Variants in RPS6KA2 observed in about 807,000 individuals in gnomAD.
The protein encoded by RPS6KA2 is ribosomal protein S6 kinase A2, also known as ribosomal protein S6 kinase alpha-2.
RPS6KA2 carries 42 observed loss-of-function variants against 91.8 expected under a neutral mutation model. The observed-to-expected ratio is 0.46, with a 90% CI of 0.36 to 0.59. The LOEUF is 0.59. Among genes scored for constraint, RPS6KA2 ranks in the 20% least tolerant of loss-of-function variants. RPS6KA2 has a pLI of 0.00. For missense variants in RPS6KA2, 798 were observed against 978.5 expected (o/e 0.82, Z 2.46); for synonymous variants, 414 against 393.6 (o/e 1.05, Z -0.61).
chr6:166,539,014 C>T (rs1583257051), intron 1 of RPS6KA2, among the ~76,000 whole-genome samples: 1 of 152,194 alleles, frequency 6.6e-6, no homozygotes, highest in East Asian at 1.9e-4. Flanking sequence ...CGGCTCACTG[C>T]AACCTCCACC....
At chr6:166,679,844 G>C (rs575771554) in intron 2 of RPS6KA2, among the ~76,000 whole-genome samples, 143 of 152,344 alleles carry the variant, frequency 9.4e-4, no homozygotes, top group Non-Finnish European at 1.7e-3. Flanking sequence ...GGCAAGCCCC[G>C]CACTCAGCGC....
chr6:166,426,068 C>A (rs1471438398), intron 16 of RPS6KA2, among the ~76,000 whole-genome samples: 1 of 151,980 alleles, frequency 6.6e-6, no homozygotes, highest in Non-Finnish European at 1.5e-5. Context: ...CTCTCCTCAG[C>A]AAATGTAAAA....
At position 166,825,255 on chromosome 6, in the gene RPS6KA2, T is replaced by A. The variant is rs373039128; in HGVS notation, c.123+32945A>T. Among the ~76,000 whole-genome samples the A allele has an allele frequency of 6.6e-6, 1 of 152,050 alleles. No homozygotes were observed. Among genetic ancestry groups the A allele is most frequent in the Admixed American group, 6.5e-5 (1 of 15,276 alleles). ...GGAGTGATCCCATGAGTCCCGAGAA[T>A]AAAAGGCAGGGCTGATGGTGCCGTG... On this transcript the variant is annotated intron_variant, in intron 2 of 21. Transcript: ENST00000503859. This position sits in a 1 kb window ranked among gnomAD's most constrained non-coding sequence, Gnocchi z 4.1.
intron 2 of RPS6KA2, among the ~76,000 whole-genome samples, chr6:166,682,353 T>C (rs928387552): frequency 2.6e-5 from 4 of 152,224 alleles, no homozygotes; most frequent in Admixed American, 6.5e-5. Flanking sequence ...TCTGGCTCAG[T>C]ATCCACGTTT....
chr6:166,417,622 C>CAT (rs1778581334), intron 19 of RPS6KA2, among the ~76,000 whole-genome samples: 1 of 25,438 alleles, frequency 3.9e-5, no homozygotes, highest in South Asian at 4.3e-3. Flanking sequence ...TCTCTCTATA[C>CAT]ACACACACAC....
chr6:166,696,760 C>CG (rs1789370940), intron 2 of RPS6KA2, among the ~76,000 whole-genome samples: 1 of 152,276 alleles, frequency 6.6e-6, no homozygotes, highest in African/African-American at 2.4e-5. Context: ...ACAGAAAAGC[C>CG]AACTCCCCCA....
chr6:166,562,846 G>A (rs1784382802), intron 1 of RPS6KA2, among the ~76,000 whole-genome samples: 2 of 152,220 alleles, frequency 1.3e-5, no homozygotes, highest in Non-Finnish European at 2.9e-5. Context: ...CAGACGAGGT[G>A]TCTTAGTTGA....
intron 10 of RPS6KA2, among the ~76,000 whole-genome samples, chr6:166,484,244 A>G (rs6935542): frequency 0.18 from 26,760 of 152,262 alleles, 2,655 homozygotes; most frequent in African/African-American, 0.27. Flanking sequence ...TAGTTCATGC[A>G]TATTCACCAG....
chr6:166,783,356 G>A (rs1402781396), intron 2 of RPS6KA2, among the ~76,000 whole-genome samples: 6 of 152,144 alleles, frequency 3.9e-5, no homozygotes, highest in South Asian at 2.1e-4. Flanking sequence ...ACCCTGAAGA[G>A]GAAGGAACTC....
intron 12 of RPS6KA2, among the ~76,000 whole-genome samples, chr6:166,453,604 G>A (rs770595298): frequency 1.1e-4 from 17 of 152,182 alleles, no homozygotes; most frequent in Non-Finnish European, 2.1e-4. Flanking sequence ...GAAAGGTGGT[G>A]GGAATGTAAA....
intron 1 of RPS6KA2, among the ~76,000 whole-genome samples, chr6:166,588,897 C>T (rs1785272262): frequency 6.6e-6 from 1 of 152,188 alleles, no homozygotes; most frequent in Non-Finnish European, 1.5e-5. Flanking sequence ...ACCTGTGTTC[C>T]AGCAAGTAGA....
At chr6:166,701,800 G>T in intron 2 of RPS6KA2, 1 of 947,202 alleles carries the variant, frequency 1.1e-6, no homozygotes, top group Non-Finnish European at 1.7e-6. Flanking sequence ...TTTTCTTCAT[G>T]ATCTCTTCCT....
At chr6:166,476,248 A>G (rs953339793) in intron 10 of RPS6KA2, among the ~76,000 whole-genome samples, 1 of 152,176 alleles carries the variant, frequency 6.6e-6, no homozygotes, top group African/African-American at 2.4e-5. Flanking sequence ...GGCCAGGGAC[A>G]CATTCCTTTC....
chr6:166,751,663 C>T (rs1202008607), intron 2 of RPS6KA2, among the ~76,000 whole-genome samples: 8 of 152,242 alleles, frequency 5.3e-5, no homozygotes, highest in Admixed American at 1.3e-4. Context: ...ATTTTCTGCT[C>T]GAAGCCCCAC....
intron 2 of RPS6KA2, among the ~76,000 whole-genome samples, chr6:166,778,279 C>T (rs528012178): frequency 5.9e-5 from 9 of 152,338 alleles, no homozygotes; most frequent in South Asian, 2.1e-4. Context: ...GCCTCTGCAA[C>T]GACTGGCGCC....
chr6:166,476,570 T>G (rs1300249007), intron 10 of RPS6KA2, among the ~76,000 whole-genome samples: 1 of 152,202 alleles, frequency 6.6e-6, no homozygotes, highest in African/African-American at 2.4e-5. Context: ...TGAACGGAAC[T>G]GTCTGGAAAT....
intron 3 of RPS6KA2, among the ~76,000 whole-genome samples, chr6:166,526,452 C>T (rs1390974242): frequency 1.4e-5 from 2 of 146,064 alleles, no homozygotes; most frequent in African/African-American, 5.0e-5. Context: ...CTTAAGCAAT[C>T]CTCCCACCTC....
intron 3 of RPS6KA2, among the ~76,000 whole-genome samples, chr6:166,525,873 G>A (rs767665020): frequency 1.3e-5 from 2 of 152,194 alleles, no homozygotes; most frequent in Non-Finnish European, 2.9e-5. Flanking sequence ...TGGAGAACGG[G>A]TTAGGAGATA....
intron 1 of RPS6KA2, among the ~76,000 whole-genome samples, chr6:166,545,307 CT>C (rs1275156794): frequency 6.6e-6 from 1 of 152,170 alleles, no homozygotes; most frequent in East Asian, 1.9e-4. Context: ...ATCACTTTTT[CT>C]TTTTCTGACC....
Sources: gnomAD v4.1 joint callset for allele counts (sites outside exome capture counted in the v4.1 genomes callset) on GRCh38, gnomAD v4.1.1 for gene constraint, Gnocchi (gnomAD v3.1) non-coding constraint, MANE v1.5 for transcripts, NCBI Gene and HGNC (gene_info 2026-07-23, HGNC 2026-07-21) for gene names.